The following RBFOX1 variants were observed in gnomAD, a reference collection of about 807,000 sequenced individuals.
The protein encoded by RBFOX1 is RNA binding protein fox-1 homolog 1.
Under a neutral mutation model 57.7 loss-of-function variants are expected in RBFOX1, and 8 were observed. The observed-to-expected ratio is 0.14, with a 90% CI of 0.08 to 0.25. The LOEUF is 0.25. RBFOX1 is among the 10% of genes least tolerant of loss of function. The pLI is 1.00. For synonymous variants in RBFOX1, 326 were observed against 222.4 expected, an observed-to-expected ratio of 1.47 and a Z score of -4.15; for missense variants, 611 against 548.5, an observed-to-expected ratio of 1.11 and a Z score of -1.14.
chr16:6,148,016 G>C (rs2152716729), intron 1 of RBFOX1, among the ~76,000 whole-genome samples: 1 of 152,340 alleles, frequency 6.6e-6, no homozygotes, highest in East Asian at 1.9e-4. Flanking sequence ...TTTGGCAGAA[G>C]CCAAAGGCTG....
intron 4 of RBFOX1, among the ~76,000 whole-genome samples, chr16:7,358,169 C>A (rs1048149635): frequency 3.3e-5 from 5 of 152,150 alleles, no homozygotes; most frequent in Non-Finnish European, 7.4e-5. Flanking sequence ...TGTTATCATC[C>A]TATTGGATAT....
At chr16:5,803,133 TC>T (rs1443178766) in intron 3 of RBFOX1, among the ~76,000 whole-genome samples, 1 of 152,092 alleles carries the variant, frequency 6.6e-6, no homozygotes. Flanking sequence ...GGTCTCTCCA[TC>T]CGCTGTATCC....
intron 11 of RBFOX1, among the ~76,000 whole-genome samples, chr16:7,634,492 C>A (rs577165337): frequency 6.3e-4 from 96 of 151,766 alleles, no homozygotes; most frequent in Non-Finnish European, 1.2e-3. Flanking sequence ...TTTAAAGGAA[C>A]CCTGCTGAAT....
At chr16:7,543,128 G>A (rs139771911) in intron 5 of RBFOX1, among the ~76,000 whole-genome samples, 8 of 152,106 alleles carry the variant, frequency 5.3e-5, no homozygotes, top group African/African-American at 1.7e-4. Flanking sequence ...TCTGCACCCC[G>A]CCATGCATTT....
chr16:5,614,851 G>T (rs769719249), intron 3 of RBFOX1, among the ~76,000 whole-genome samples: 58 of 152,176 alleles, frequency 3.8e-4, no homozygotes, highest in African/African-American at 3.6e-4. Flanking sequence ...TTAGAGAAAA[G>T]GACAGTGCAC....
At chr16:7,004,517 C>T (rs1019591433) in intron 3 of RBFOX1, among the ~76,000 whole-genome samples, 24 of 152,164 alleles carry the variant, frequency 1.6e-4, no homozygotes, top group African/African-American at 5.8e-4. Flanking sequence ...TGCCAGCACT[C>T]CAAGAGAGAG....
intron 4 of RBFOX1, among the ~76,000 whole-genome samples, chr16:5,968,450 C>T (rs1221081225): frequency 1.3e-5 from 2 of 152,142 alleles, no homozygotes; most frequent in Non-Finnish European, 2.9e-5. Context: ...CAGTTTATAT[C>T]CTTTCTGTGT....
chr16:7,448,927 G>GTTATTT (rs1555462872), intron 4 of RBFOX1, among the ~76,000 whole-genome samples: 1 of 82,964 alleles, frequency 1.2e-5, no homozygotes, highest in East Asian at 4.1e-4. Context: ...TCTTTCCCCT[G>GTTATTT]TTTTTTTTTT....
chr16:6,531,974 A>C (rs914663859), intron 2 of RBFOX1, among the ~76,000 whole-genome samples: 1 of 152,186 alleles, frequency 6.6e-6, no homozygotes, highest in African/African-American at 2.4e-5. Flanking sequence ...TAGTTGAAAA[A>C]GCAGTGTTGG....
intron 4 of RBFOX1, among the ~76,000 whole-genome samples, chr16:7,353,291 T>C (rs1266783237): frequency 2.6e-5 from 4 of 152,036 alleles, no homozygotes; most frequent in Non-Finnish European, 4.4e-5. Context: ...AGAATGGCTA[T>C]AATAAAAAAG....
At chr16:5,808,534 A>G (rs1171712800) in intron 3 of RBFOX1, among the ~76,000 whole-genome samples, 28 of 152,248 alleles carry the variant, frequency 1.8e-4, no homozygotes, top group Non-Finnish European at 3.2e-4. Flanking sequence ...CACGATATTG[A>G]TTCTTCCTAC....
chr16:5,788,258 A>G (rs1191078391), intron 3 of RBFOX1, among the ~76,000 whole-genome samples: 2 of 152,170 alleles, frequency 1.3e-5, no homozygotes, highest in African/African-American at 2.4e-5. Context: ...CACCCTTTCC[A>G]TTTAGAACCT....
chr16:6,796,015 C>T (rs1262740598), intron 3 of RBFOX1, among the ~76,000 whole-genome samples: 1 of 151,926 alleles, frequency 6.6e-6, no homozygotes, highest in Admixed American at 6.6e-5. Context: ...TGTATTAGTC[C>T]ATTTTCATGC....
chr16:6,729,539 C>G (rs1170996033), intron 3 of RBFOX1, among the ~76,000 whole-genome samples: 1 of 152,144 alleles, frequency 6.6e-6, no homozygotes, highest in Non-Finnish European at 1.5e-5. Flanking sequence ...TTATATACAG[C>G]TGCCTGGAAA....
At chr16:7,209,774 T>C (rs2090752284) in intron 4 of RBFOX1, among the ~76,000 whole-genome samples, 1 of 152,176 alleles carries the variant, frequency 6.6e-6, no homozygotes, top group African/African-American at 2.4e-5. Context: ...CCCAGGGGCG[T>C]TCTGTTGTGT....
At chr16:7,404,896 C>G (rs2098311498) in intron 4 of RBFOX1, among the ~76,000 whole-genome samples, 1 of 152,060 alleles carries the variant, frequency 6.6e-6, no homozygotes, top group African/African-American at 2.4e-5. Context: ...GTTCCTGGGT[C>G]AATGGATTTT....
At chr16:7,248,120 G>T (rs1054468754) in intron 4 of RBFOX1, among the ~76,000 whole-genome samples, 1 of 152,220 alleles carries the variant, frequency 6.6e-6, no homozygotes, top group African/African-American at 2.4e-5. Flanking sequence ...TGTGAATGAA[G>T]GCAAAGACTT....
intron 3 of RBFOX1, among the ~76,000 whole-genome samples, chr16:6,906,741 G>T (rs1189825721): frequency 3.0e-3 from 261 of 87,714 alleles, no homozygotes; most frequent in Non-Finnish European, 3.5e-3. Flanking sequence ...TTTTTTTTTT[G>T]AGACAGAGTC....
Position 6,430,581 on chromosome 16 carries a change from G to T in RBFOX1, c.-64+113524G>T, listed in dbSNP as rs1232996356. ...AGAATGGAGTTAGGAACGATGTGCT[G>T]TGCTTGGGAGCTGCAAGTTCTGCTG... On this transcript the variant is annotated intron_variant, in intron 2 of 15. Coordinates refer to ENST00000550418, the MANE Select transcript of RBFOX1 (RefSeq NM_018723.4). 2.0e-5 allele frequency among the ~76,000 whole-genome samples: 3 copies of T among 152,126 alleles called. No individual in the cohort carries two copies. The East Asian group carries it at 5.8e-4, about 29-fold the overall frequency.
Sources: gnomAD v4.1 joint callset for allele counts (sites outside exome capture counted in the v4.1 genomes callset) on GRCh38, gnomAD v4.1.1 for gene constraint, MANE v1.5 for transcripts, NCBI Gene and HGNC (gene_info 2026-07-23, HGNC 2026-07-21) for gene names.